The following GABRD variants were observed in gnomAD, a reference collection of about 807,000 sequenced individuals.
GABRD encodes gamma-aminobutyric acid receptor subunit delta.
GABRD carries 25 observed loss-of-function variants against 47.3 expected under a neutral mutation model. The observed-to-expected ratio is 0.53, with a 90% CI of 0.39 to 0.74. The LOEUF (loss-of-function observed/expected upper bound fraction) is 0.74. GABRD is among the 30% of genes least tolerant of loss of function. GABRD has a pLI of 0.00. For synonymous variants in GABRD, 314 were observed against 278.8 expected, an observed-to-expected ratio of 1.13 and a Z score of -1.26; for missense variants, 497 against 643.4, an observed-to-expected ratio of 0.77 and a Z score of 2.46.
chr1:2,022,016 C>CT (rs1658793433), intron 1 of GABRD, among the ~76,000 whole-genome samples: 1 of 152,184 alleles, frequency 6.6e-6, no homozygotes, highest in Non-Finnish European at 1.5e-5. Flanking sequence ...GGTGCCCACT[C>CT]TGCCCCCTGA....
chr1:2,025,842 C>A (rs539748394), intron 4 of GABRD, 104 bp downstream of exon 4: 2 of 986,176 alleles, frequency 2.0e-6, no homozygotes, highest in Non-Finnish European at 3.0e-6. Flanking sequence ...CTTCTGCTGC[C>A]GGGAGCTGGC....
rs139475937 is a variant in GABRD, at chr1:2,020,464, G to A, written c.68+973G>A. 5.6e-3 allele frequency among the ~76,000 whole-genome samples: 860 copies of A among 152,368 alleles called. 5 individuals carry two copies. The highest frequency in any genetic ancestry group is 0.027 in the Middle Eastern group (8 of 294). ...GAGATGGCAGCACCCAACACGGGGC[G>A]GTGTGTCAGAGTTTTCCCATTGGAG... On this transcript the variant is annotated intron_variant, in intron 1 of 8. Coordinates refer to ENST00000378585, the MANE Select transcript of GABRD (RefSeq NM_000815.5).
chr1:2,022,585 C>A (rs1658810288), intron 1 of GABRD, among the ~76,000 whole-genome samples: 1 of 152,274 alleles, frequency 6.6e-6, no homozygotes, highest in Non-Finnish European at 1.5e-5. Context: ...TCATTCCAGG[C>A]AGGCTAGATG....
At chr1:2,021,739 G>A (rs1017462596) in intron 1 of GABRD, among the ~76,000 whole-genome samples, 2 of 152,330 alleles carry the variant, frequency 1.3e-5, no homozygotes, top group African/African-American at 2.4e-5. Flanking sequence ...CTCGCGGTGC[G>A]CTGGTGGCGG....
At position 2,030,175 on chromosome 1, in the gene GABRD, C is replaced by T. The variant is rs200019257; in HGVS notation, c.1252C>T (p.Arg418Trp). ...RSGGQGGIRA[R>W]LRPIDADTID... Reference sequence around the variant, plus strand: ...AGGAGGCCAGGGGGGCATCCGTGCCCGGCTCAGGCCCATCGACGCAGACAC... The same window carrying T: ...AGGAGGCCAGGGGGGCATCCGTGCCTGGCTCAGGCCCATCGACGCAGACAC... Residue 418 changes from arginine (R) to tryptophan (W), a missense_variant, in exon 9 of 9, where the codon CGG becomes TGG. Arg to Trp is a moderately radical substitution (Grantham distance 101, BLOSUM62 -3). Around this residue, in one of 3 missense-constraint regions of GABRD, gnomAD observed 121 missense variants for 121.3 expected, o/e 1.00. Coordinates refer to ENST00000378585, the MANE Select transcript of GABRD (RefSeq NM_000815.5). The T allele has an allele frequency of 1.6e-4, 249 of 1,569,666 alleles. No individual in the cohort carries two copies. The highest frequency in any genetic ancestry group is 8.5e-4 in the Middle Eastern group (5 of 5,852).
chr1:2,019,691 A>G lies in GABRD; in HGVS notation c.68+200A>G, dbSNP rs1658722671. The stretch of plus-strand genomic sequence containing the variant: ...CCCGGACGCTGCCCTTGGGCTCGGG[A>G]CGCGGCGACCCCCGCGCTGGCCGCC... On this transcript the variant is annotated intron_variant, in intron 1 of 8. Transcript: ENST00000378585. Among the ~76,000 whole-genome samples the G allele has an allele frequency of 2.7e-5, 4 of 150,608 alleles. No homozygotes were observed. The South Asian group carries it at 8.4e-4, about 32-fold the overall frequency.
At chr1:2,026,580 A>T (rs1658934657) in intron 4 of GABRD, 1 of 152,268 alleles carries the variant, frequency 6.6e-6, no homozygotes, top group Non-Finnish European at 1.5e-5. Context: ...TCACGCCTGT[A>T]ATCCCAGCAC....
chr1:2,019,789 C>T (rs1010087899), intron 1 of GABRD, among the ~76,000 whole-genome samples: 5 of 152,106 alleles, frequency 3.3e-5, no homozygotes, highest in Admixed American at 6.5e-5. Context: ...CCCGGTTCCC[C>T]TGCTCCGCGG....
In GABRD at chr1:2,025,053, A is replaced by G. The variant is rs1480644793; in HGVS notation, c.180A>G (p.Gly60=). The G allele has an allele frequency of 1.2e-6, 2 of 1,611,032 alleles. No individual in the cohort carries two copies. Among genetic ancestry groups the G allele is most frequent in the Non-Finnish European group, 1.7e-6 (2 of 1,178,662 alleles). The change falls in exon 2 of 9, where the codon GGA becomes GGG. Residue 60 remains glycine, a splice_region_variant and synonymous_variant. Transcript: ENST00000378585. Reference sequence around the variant, plus strand: ...CCCGCAACTTCCGGCCTGGCATCGGAGGTGAGGGGCGGTCCAGGCCCGGCA... The same window carrying G: ...CCCGCAACTTCCGGCCTGGCATCGGGGGTGAGGGGCGGTCCAGGCCCGGCA... The part of the protein sequence containing the change: ...GYARNFRPGI[G]GPPVNVALAL...
At chr1:2,027,732 T>TGGACAAGGCTGGCCCGGCTCA in intron 5 of GABRD, 73 bp downstream of exon 5, 1 of 1,336,072 alleles carries the variant, frequency 7.5e-7, no homozygotes. Context: ...GCCCGGGGCC[T>TGGACAAGGCTGGCCCGGCTCA]GGACAAGGCT....
chr1:2,028,840 C>A lies in GABRD; in HGVS notation c.692-271C>A. ...CATTGGTTGCGAGGGTCCCTCAGGGCCAGTCCAGCAAACATGAGGCCAGCA... is the reference window on the plus strand; with the variant it reads ...CATTGGTTGCGAGGGTCCCTCAGGGACAGTCCAGCAAACATGAGGCCAGCA... On this transcript the variant is annotated intron_variant, in intron 6 of 8. Transcript: ENST00000378585. The surrounding 1 kb of genome is among the most constrained non-coding windows in gnomAD (Gnocchi z 6.4). The A allele has an allele frequency of 1.9e-6, 1 of 536,224 alleles. No homozygotes were observed. The highest frequency in any genetic ancestry group is 3.3e-6 in the Non-Finnish European group (1 of 303,626). The allele number at this position is 536,224 out of a possible 1,614,324, so 33.2% of individuals were successfully genotyped here.
chr1:2,029,648 G>C lies in GABRD; in HGVS notation c.945G>C (p.Trp315Cys). ...TCAAGGCACTGGACGTCTACTTCTG[G>C]ATCTGCTATGTCTTCGTGTTTGCCG... Reference protein sequence around the residue: ...SAIKALDVYFWICYVFVFAAL... With the variant: ...SAIKALDVYFCICYVFVFAAL... The change falls in exon 8 of 9, where the codon TGG (tryptophan) becomes TGC (cysteine). Residue 315 changes from tryptophan to cysteine, a missense_variant. By Grantham distance (215) the Trp-to-Cys change is radical. Coordinates refer to ENST00000378585, the MANE Select transcript of GABRD (RefSeq NM_000815.5). 6.2e-7 allele frequency: 1 copy of C among 1,613,524 alleles called. No individual in the cohort carries two copies.
At position 2,030,317 on chromosome 1, in the gene GABRD, G is replaced by A. The variant is rs573646280; in HGVS notation, c.*35G>A. On this transcript the variant is annotated 3_prime_UTR_variant, in exon 9 of 9. Coordinates refer to ENST00000378585, the MANE Select transcript of GABRD (RefSeq NM_000815.5). ...TCAGGCCACCCTCGCTTGTCCTGGC[G>A]CCCGGCGGCAGCTGCCCAGAAACTT... 6.9e-5 allele frequency: 102 copies of A among 1,470,558 alleles called. No homozygotes were observed. Among genetic ancestry groups the A allele is most frequent in the Non-Finnish European group, 8.4e-5 (93 of 1,108,968 alleles). 91.1% of individuals were successfully genotyped at this position (1,470,558 alleles called of 1,614,324 possible). A position where few individuals can be genotyped will look rare whatever the true frequency, so the allele number is the denominator to read the frequency against.
At chr1:2,029,898 C>T (rs1276745430) in intron 8 of GABRD, 85 bp from the exon 9 acceptor site, 23 of 1,566,986 alleles carry the variant, frequency 1.5e-5, no homozygotes, top group Non-Finnish European at 2.0e-5. Flanking sequence ...CAGGCGGGGC[C>T]CCCGCATGGG....
chr1:2,019,566 G>C (rs1236755482), intron 1 of GABRD, 75 bp downstream of exon 1: 19 of 930,818 alleles, frequency 2.0e-5, no homozygotes, highest in Non-Finnish European at 2.5e-5. Context: ...TAGCGGCTGG[G>C]AGAGCGGCCG....
In GABRD at chr1:2,025,416, C is replaced by T; in HGVS notation, c.249+15C>T. 2 of 1,612,910 alleles carry T rather than the reference C, an allele frequency of 1.2e-6. No individual in the cohort carries two copies. The highest frequency in any genetic ancestry group is 1.7e-6 in the Non-Finnish European group (2 of 1,179,956). On this transcript the variant is annotated intron_variant, in intron 3 of 8. Coordinates refer to ENST00000378585, the MANE Select transcript of GABRD (RefSeq NM_000815.5). The stretch of plus-strand genomic sequence containing the variant: ...AGGCCAACATGGTAGGTGCCACCAG[C>T]CTCTGCCTCAGGCACGGTGGGTGCC...
Position 2,030,326 on chromosome 1 carries a change from C to A in GABRD, c.*44C>A. 6.8e-7 allele frequency: 1 copy of A among 1,462,762 alleles called. No homozygotes were observed. Among genetic ancestry groups the A allele is most frequent in the Non-Finnish European group, 9.1e-7 (1 of 1,103,508 alleles). 90.6% of individuals were successfully genotyped at this position (1,462,762 alleles called of 1,614,324 possible). A position where few individuals can be genotyped will look rare whatever the true frequency, so the allele number is the denominator to read the frequency against. On this transcript the variant is annotated 3_prime_UTR_variant, in exon 9 of 9. Transcript: ENST00000378585. ...CCTCGCTTGTCCTGGCGCCCGGCGG[C>A]AGCTGCCCAGAAACTTCCTGGGAGA...
In GABRD at chr1:2,025,062, G is replaced by A; in HGVS notation, c.181+8G>A. The A allele has an allele frequency of 6.2e-7, 1 of 1,607,232 alleles. No homozygotes were observed. The highest frequency in any genetic ancestry group is 1.3e-5 in the African/African-American group (1 of 74,918). Reference sequence around the variant, plus strand: ...TCCGGCCTGGCATCGGAGGTGAGGGGCGGTCCAGGCCCGGCAGGCAGGAGC... The same window carrying A: ...TCCGGCCTGGCATCGGAGGTGAGGGACGGTCCAGGCCCGGCAGGCAGGAGC... On this transcript the variant is annotated splice_region_variant and intron_variant, in intron 2 of 8. Transcript: ENST00000378585.
chr1:2,025,893 T>C (rs751545650), intron 4 of GABRD, 155 bp downstream of exon 4: 13 of 632,496 alleles, frequency 2.1e-5, no homozygotes, highest in Non-Finnish European at 3.6e-5. Context: ...CGGTTATTTA[T>C]ATCCCCCGCA....
Sources: gnomAD v4.1 joint callset for allele counts (sites outside exome capture counted in the v4.1 genomes callset) on GRCh38, gnomAD v4.1.1 for gene constraint, gnomAD v4.1.1 regional missense constraint, Gnocchi (gnomAD v3.1) non-coding constraint, MANE v1.5 for transcripts, NCBI Gene and HGNC (gene_info 2026-07-23, HGNC 2026-07-21) for gene names.